Variants in SERGEF observed in about 807,000 individuals in gnomAD.
The protein encoded by SERGEF is secretion regulating guanine nucleotide exchange factor.
In SERGEF, 51 loss-of-function variants were observed where a neutral mutation model predicts 50.0. That is an observed-to-expected ratio of 1.02 (90% CI 0.81 to 1.29). The LOEUF (loss-of-function observed/expected upper bound fraction) is 1.29, where lower values mean the gene tolerates loss of function less well. Among genes scored for constraint, SERGEF ranks in the 50% most tolerant of loss-of-function variants. The pLI is 0.00. For missense variants in SERGEF, 521 were observed against 557.0 expected, an observed-to-expected ratio of 0.94 and a Z score of 0.65; for synonymous variants, 205 against 212.4, an observed-to-expected ratio of 0.97 and a Z score of 0.30.
At chr11:17,980,373 C>T (rs1012106822) in intron 8 of SERGEF, among the ~76,000 whole-genome samples, 1 of 152,070 alleles carries the variant, frequency 6.6e-6, no homozygotes, top group Non-Finnish European at 1.5e-5. Context: ...AATTGAGGCC[C>T]GTGCAAGTGA....
intron 8 of SERGEF, among the ~76,000 whole-genome samples, chr11:17,974,096 G>C (rs947339448): frequency 6.6e-6 from 1 of 152,150 alleles, no homozygotes; most frequent in Non-Finnish European, 1.5e-5. Flanking sequence ...TGGCCTCATG[G>C]TATGGAAAAG....
intron 8 of SERGEF, 106 bp from the exon 9 acceptor site, chr11:17,959,742 A>G (rs1565215756): frequency 9.5e-6 from 9 of 951,718 alleles, no homozygotes; most frequent in Non-Finnish European, 1.4e-5. Context: ...AGTACCACCT[A>G]CCAGGAGCCT....
At chr11:17,819,333 C>A (rs1449624219) in intron 10 of SERGEF, among the ~76,000 whole-genome samples, 2 of 152,232 alleles carry the variant, frequency 1.3e-5, no homozygotes, top group African/African-American at 4.8e-5. Flanking sequence ...GGCTGCAGAA[C>A]CTCCAGTTTG....
At chr11:17,962,341 T>TA (rs113666860) in intron 8 of SERGEF, among the ~76,000 whole-genome samples, 62 of 147,202 alleles carry the variant, frequency 4.2e-4, no homozygotes, top group African/African-American at 8.2e-4. Context: ...TCATCTGGAG[T>TA]AAAAAAAAAA....
chr11:17,923,329 G>A (rs1852191725), intron 9 of SERGEF, among the ~76,000 whole-genome samples: 1 of 152,226 alleles, frequency 6.6e-6, no homozygotes, highest in Non-Finnish European at 1.5e-5. Context: ...GCAGAGGCTG[G>A]CCAGAAGTGG....
At chr11:17,963,576 G>A (rs1853060970) in intron 8 of SERGEF, among the ~76,000 whole-genome samples, 1 of 151,812 alleles carries the variant, frequency 6.6e-6, no homozygotes, top group African/African-American at 2.4e-5. Flanking sequence ...AGTAGAGACA[G>A]GGTTTTGCCA....
rs60861006 is a variant in SERGEF at position 17,998,440 on chromosome 11, CATATATATATATATATATATAT to C, written c.508+2035_508+2056del. On this transcript the variant is annotated intron_variant, in intron 5 of 10. Coordinates refer to ENST00000265965, the MANE Select transcript of SERGEF (RefSeq NM_012139.4). ...TTAAAAATACATACATACATACATA[CATATATATATATATATATATAT>C]ATATATATATATATATATATATATA... Among the ~76,000 whole-genome samples, 132 of 33,752 alleles carry C rather than the reference CATATATATATATATATATATAT, an allele frequency of 3.9e-3. 3 individuals carry two copies. The highest frequency in any genetic ancestry group is 0.014 in the Middle Eastern group (1 of 74). The allele number at this position is 33,752 out of a possible 152,430, so 22.1% of individuals were successfully genotyped here. A position where few individuals can be genotyped will look rare whatever the true frequency, so the allele number is the denominator to read the frequency against.
intron 10 of SERGEF, among the ~76,000 whole-genome samples, chr11:17,843,042 G>T (rs560653833): frequency 6.6e-6 from 1 of 152,298 alleles, no homozygotes; most frequent in South Asian, 2.1e-4. Flanking sequence ...ATAGTTCCTT[G>T]AATTTCTTTT....
intron 10 of SERGEF, among the ~76,000 whole-genome samples, chr11:17,795,957 G>A (rs1337760256): frequency 2.0e-5 from 3 of 152,158 alleles, no homozygotes; most frequent in African/African-American, 7.2e-5. Context: ...AAAAAGCCAC[G>A]GCCCCCTTCA....
intron 9 of SERGEF, among the ~76,000 whole-genome samples, chr11:17,920,164 T>C (rs1852127004): frequency 6.6e-6 from 1 of 151,868 alleles, no homozygotes; most frequent in African/African-American, 2.4e-5. Context: ...GGAGAATCGC[T>C]TGAACCCATG....
chr11:18,010,168 T>A, intron 1 of SERGEF: 1 of 975,552 alleles, frequency 1.0e-6, no homozygotes, highest in East Asian at 6.0e-5. Flanking sequence ...TGTAAAATAA[T>A]TACAACAAAT....
chr11:17,865,985 T>C (rs1342993236), intron 10 of SERGEF, among the ~76,000 whole-genome samples: 1 of 152,240 alleles, frequency 6.6e-6, no homozygotes, highest in Non-Finnish European at 1.5e-5. Context: ...AAATGCCGTA[T>C]ACAGATGTAT....
At chr11:17,811,263 C>A (rs1366088647) in intron 10 of SERGEF, among the ~76,000 whole-genome samples, 1 of 152,190 alleles carries the variant, frequency 6.6e-6, no homozygotes, top group Non-Finnish European at 1.5e-5. Flanking sequence ...GTCTCTTGAT[C>A]CCAACCCAGG....
chr11:17,826,811 G>GA (rs774323977), intron 10 of SERGEF, among the ~76,000 whole-genome samples: 1 of 152,184 alleles, frequency 6.6e-6, no homozygotes, highest in Non-Finnish European at 1.5e-5. Flanking sequence ...TGTTCTGAAG[G>GA]AAAAAGTTTG....
chr11:17,977,051 G>C (rs1351752523), intron 8 of SERGEF, among the ~76,000 whole-genome samples: 4 of 152,344 alleles, frequency 2.6e-5, no homozygotes, highest in African/African-American at 9.6e-5. Context: ...TGTATCTCCT[G>C]AACACAGCCA....
intron 10 of SERGEF, among the ~76,000 whole-genome samples, chr11:17,820,133 T>C (rs1366993412): frequency 1.3e-5 from 2 of 152,252 alleles, no homozygotes; most frequent in East Asian, 3.9e-4. Flanking sequence ...CATGAGCCAC[T>C]GCACCTGGCC....
intron 9 of SERGEF, among the ~76,000 whole-genome samples, chr11:17,951,179 A>G (rs1321148570): frequency 6.6e-6 from 1 of 152,174 alleles, no homozygotes; most frequent in African/African-American, 2.4e-5. Flanking sequence ...TCTGACCCAT[A>G]CTTTTAACAA....
At chr11:17,977,777 T>C (rs1279791193) in intron 8 of SERGEF, among the ~76,000 whole-genome samples, 1 of 152,192 alleles carries the variant, frequency 6.6e-6, no homozygotes, top group Non-Finnish European at 1.5e-5. Flanking sequence ...CCTTTACTTC[T>C]TCTGCCATGT....
At chr11:17,891,010 C>T (rs1478287831) in intron 9 of SERGEF, among the ~76,000 whole-genome samples, 3 of 152,142 alleles carry the variant, frequency 2.0e-5, no homozygotes, top group African/African-American at 7.2e-5. Context: ...GAAGCTCTTA[C>T]CTAGAGGCAT....
Sources: gnomAD v4.1 joint callset for allele counts (sites outside exome capture counted in the v4.1 genomes callset) on GRCh38, gnomAD v4.1.1 for gene constraint, MANE v1.5 for transcripts, NCBI Gene and HGNC (gene_info 2026-07-23, HGNC 2026-07-21) for gene names.